The following LMNA variants were observed in gnomAD, a reference collection of about 807,000 sequenced individuals.
LMNA encodes the protein lamin A/C.
In LMNA, 20 loss-of-function variants were observed where a neutral mutation model predicts 70.4. The ratio of observed to expected loss-of-function variants is 0.28; its 90% CI spans 0.20 to 0.41. The LOEUF (loss-of-function observed/expected upper bound fraction) is 0.41, where lower values mean the gene tolerates loss of function less well. Ranked by LOEUF, LMNA falls within the 10% of genes least tolerant of loss-of-function variation. The pLI is 1.00. For synonymous variants in LMNA, 339 were observed against 372.8 expected, an observed-to-expected ratio of 0.91 and a Z score of 1.04; for missense variants, 652 against 917.2, an observed-to-expected ratio of 0.71 and a Z score of 3.73.
In LMNA at chr1:156,104,466, G is replaced by A. The variant is rs183416437; in HGVS notation, c.-206-10247G>A. 7.6e-4 allele frequency among the ~76,000 whole-genome samples: 116 copies of A among 152,070 alleles called. 3 individuals are homozygous for A. Among genetic ancestry groups the A allele is most frequent in the African/African-American group, 2.7e-3 (114 of 41,470 alleles). On this transcript the variant is annotated intron_variant, in intron 3 of 12. Transcript: ENST00000368301. ...TCAGTTCCCTATTCCAGAGCCCCCT[G>A]GACTGGATTCTAAATGTGGTCCTCA...
rs60992550 is a variant in LMNA at position 156,136,423 on chromosome 1, A to G, written c.1367A>G (p.Asn456Ser). Residue 456 changes from asparagine to serine, a missense_variant, in exon 7 of 12, where the codon AAC becomes AGC. Physicochemically the swap from Asn to Ser is conservative, Grantham distance 46 (BLOSUM62 1). This residue lies in a region of LMNA where 327 missense variants were observed against 387.6 expected (regional missense o/e 0.84). Transcript: ENST00000368300. The surrounding 1 kb of genome is among the most constrained non-coding windows in gnomAD (Gnocchi z 6.1). ...GAGGGCAAGTTTGTCCGGCTGCGCA[A>G]CAAGTCCAATGAGGTAGGCTCCTGC... Reference protein sequence around the residue: ...DEEGKFVRLRNKSNEDQSMGN... With the variant: ...DEEGKFVRLRSKSNEDQSMGN... 1.9e-6 allele frequency: 3 copies of G among 1,584,294 alleles called. No individual in the cohort carries two copies. The highest frequency in any genetic ancestry group is 2.3e-4 in the Middle Eastern group (1 of 4,410).
chr1:156,104,010 C>T (rs1045681277), intron 3 of LMNA, among the ~76,000 whole-genome samples: 1 of 152,184 alleles, frequency 6.6e-6, no homozygotes, highest in African/African-American at 2.4e-5. Context: ...CTTGGCTCCC[C>T]CCTTCACAGC....
chr1:156,101,889 G>C (rs1649158297), intron 3 of LMNA, among the ~76,000 whole-genome samples: 2 of 151,420 alleles, frequency 1.3e-5, no homozygotes, highest in Admixed American at 6.6e-5. Flanking sequence ...AGGAGGAGAG[G>C]CTGAGGAAGG....
intron 2 of LMNA, among the ~76,000 whole-genome samples, chr1:156,133,375 A>G (rs2102874945): frequency 6.6e-6 from 1 of 151,816 alleles, no homozygotes; most frequent in South Asian, 2.1e-4. Context: ...GATCGAGACT[A>G]TCCTGGCCAA....
At chr1:156,104,722 G>A (rs577052757) in intron 3 of LMNA, among the ~76,000 whole-genome samples, 1 of 152,222 alleles carries the variant, frequency 6.6e-6, no homozygotes, top group African/African-American at 2.4e-5. Flanking sequence ...GTGCGTCGTC[G>A]GTGCTCAGTT....
intron 2 of LMNA, among the ~76,000 whole-genome samples, chr1:156,132,338 C>T (rs1651147588): frequency 6.6e-6 from 1 of 151,822 alleles, no homozygotes; most frequent in South Asian, 2.1e-4. Flanking sequence ...GGCATGGTGG[C>T]AGCCACCTGT....
chr1:156,134,879 G>A lies in LMNA; in HGVS notation c.714G>A (p.Glu238=), dbSNP rs1209010048. The A allele has an allele frequency of 6.2e-7, 1 of 1,614,236 alleles. No homozygotes were observed. The highest frequency in any genetic ancestry group is 1.1e-5 in the South Asian group (1 of 91,086). Residue 238 remains glutamate (E), a synonymous_variant, in exon 4 of 12, where the codon GAG becomes GAA. Coordinates refer to ENST00000368300, the MANE Select transcript of LMNA (RefSeq NM_170707.4). The surrounding 1 kb of genome is among the most constrained non-coding windows in gnomAD (Gnocchi z 5.3). ...EIDNGKQREF[E]SRLADALQEL... is the part of the protein sequence containing the mutation. The stretch of plus-strand genomic sequence containing the variant: ...ACAATGGGAAGCAGCGTGAGTTTGA[G>A]AGCCGGCTGGCGGATGCGCTGCAGG...
intron 2 of LMNA, 92 bp downstream of exon 2, chr1:156,130,865 C>A: frequency 1.6e-6 from 2 of 1,257,032 alleles, no homozygotes; most frequent in South Asian, 1.3e-5. Context: ...GGTGCCTGGT[C>A]TGACCTGTCA....
intron 1 of LMNA, among the ~76,000 whole-genome samples, chr1:156,117,079 ATTTTTTT>A (rs150049994): frequency 1.8e-5 from 2 of 112,636 alleles, no homozygotes; most frequent in East Asian, 2.7e-4. Context: ...ACACATGGCT[ATTTTTTT>A]TTTTTTTTTT....
chr1:156,094,003 A>T (rs1648810848), intron 3 of LMNA, among the ~76,000 whole-genome samples: 1 of 152,016 alleles, frequency 6.6e-6, no homozygotes, highest in Non-Finnish European at 1.5e-5. Context: ...CCAAGGGGCT[A>T]CTGTCTGCAT....
chr1:156,114,487 G>A (rs1649662067), upstream of LMNA, among the ~76,000 whole-genome samples: 1 of 152,214 alleles, frequency 6.6e-6, no homozygotes. Context: ...AGCCGACAGT[G>A]CTGAGCAGGC....
At chr1:156,116,967 G>A (rs1572335180) in intron 1 of LMNA, among the ~76,000 whole-genome samples, 1 of 151,628 alleles carries the variant, frequency 6.6e-6, no homozygotes, top group African/African-American at 2.4e-5. Context: ...AGACTGGAGT[G>A]AAGTGGTGCG....
chr1:156,130,522 C>A, intron 1 of LMNA, 95 bp from the exon 2 acceptor site: 1 of 1,330,242 alleles, frequency 7.5e-7, no homozygotes, highest in Non-Finnish European at 1.1e-6. Flanking sequence ...GCAGGCATAG[C>A]AGCGCCAGCC....
rs1405863141 is a variant in LMNA, at chr1:156,103,131, C to T, written c.-206-11582C>T. 1.3e-5 allele frequency among the ~76,000 whole-genome samples: 2 copies of T among 152,216 alleles called. No individual in the cohort carries two copies. Among genetic ancestry groups the T allele is most frequent in the East Asian group, 3.9e-4 (2 of 5,194 alleles). On this transcript the variant is annotated intron_variant, in intron 3 of 12. Transcript: ENST00000368301. The surrounding 1 kb of genome is among the most constrained non-coding windows in gnomAD (Gnocchi z 4.7). ...GCTGGGGACTTTGTCCCTGCAGCTG[C>T]TCTGGCCAACCCTCCAACCCTGGAG...
intron 1 of LMNA, among the ~76,000 whole-genome samples, chr1:156,123,943 C>A (rs1326045762): frequency 1.3e-5 from 2 of 152,192 alleles, no homozygotes; most frequent in African/African-American, 4.8e-5. Flanking sequence ...TCTCTCAGCA[C>A]CAGTTCTCCC....
At chr1:156,125,666 G>A (rs990925994) in intron 1 of LMNA, among the ~76,000 whole-genome samples, 4 of 151,616 alleles carry the variant, frequency 2.6e-5, no homozygotes, top group East Asian at 1.9e-4. Context: ...TCTAGCCTGG[G>A]CAACACAGTG....
chr1:156,085,312 G>A (rs796297145), intron 2 of LMNA, among the ~76,000 whole-genome samples: 35 of 152,308 alleles, frequency 2.3e-4, no homozygotes, highest in African/African-American at 7.5e-4. Context: ...CTCTCTCCCG[G>A]AGGCTGGTGG....
At chr1:156,083,618 C>A (rs989350420) in intron 2 of LMNA, 2 of 152,232 alleles carry the variant, frequency 1.3e-5, no homozygotes, top group African/African-American at 2.4e-5. Flanking sequence ...GCCTGACCAA[C>A]AAGGTGAAAC....
chr1:156,128,642 A>G (rs1448393303), intron 1 of LMNA, among the ~76,000 whole-genome samples: 2 of 152,218 alleles, frequency 1.3e-5, no homozygotes, highest in Admixed American at 1.3e-4. Context: ...GAGGAACCCT[A>G]GATCAGCAGC....
Sources: gnomAD v4.1 joint callset for allele counts (sites outside exome capture counted in the v4.1 genomes callset) on GRCh38, gnomAD v4.1.1 for gene constraint, gnomAD v4.1.1 regional missense constraint, Gnocchi (gnomAD v3.1) non-coding constraint, MANE v1.5 for transcripts, NCBI Gene and HGNC (gene_info 2026-07-23, HGNC 2026-07-21) for gene names.